Variants in CNTN5 observed in about 807,000 individuals in gnomAD.
CNTN5 encodes the protein contactin 5, also known as contactin-5.
In CNTN5, 77 loss-of-function variants were observed where a neutral mutation model predicts 129.1. That is an observed-to-expected ratio of 0.60 (90% CI 0.50 to 0.72). The LOEUF (loss-of-function observed/expected upper bound fraction) is 0.72. Ranked by LOEUF, CNTN5 falls within the 30% of genes least tolerant of loss-of-function variation. The probability of loss-of-function intolerance (pLI) is 0.00; values close to 1 mark genes in which losing one functional copy is unlikely to be tolerated. For missense variants in CNTN5, 1,478 were observed against 1,328.8 expected, an observed-to-expected ratio of 1.11 and a Z score of -1.75; for synonymous variants, 509 against 465.6, an observed-to-expected ratio of 1.09 and a Z score of -1.20.
rs548739446 is a variant in CNTN5 at position 100,336,815 on chromosome 11, C to A, written c.2731-3648C>A. 1.8e-4 allele frequency: 75 copies of A among 407,902 alleles called. 3 individuals are homozygous for A. The highest frequency in any genetic ancestry group is 1.8e-3 in the South Asian group (74 of 40,794). The allele number at this position is 407,902 out of a possible 1,614,324, so 25.3% of individuals were successfully genotyped here. A position where few individuals can be genotyped will look rare whatever the true frequency, so the allele number is the denominator to read the frequency against. On this transcript the variant is annotated intron_variant, in intron 21 of 24. Coordinates refer to ENST00000524871, the MANE Select transcript of CNTN5 (RefSeq NM_014361.4). The stretch of plus-strand genomic sequence containing the variant: ...TGAGGTGTTCTGCGACTTCCCCAGA[C>A]CCTAACCTTCCCGGCCTCTTCCCCA...
chr11:99,294,838 A>G (rs1030034549), intron 1 of CNTN5, among the ~76,000 whole-genome samples: 1 of 152,194 alleles, frequency 6.6e-6, no homozygotes, highest in Non-Finnish European at 1.5e-5. Context: ...GATTGGCAGA[A>G]TTCTGAAGTT....
intron 1 of CNTN5, among the ~76,000 whole-genome samples, chr11:99,265,253 A>G (rs1862833891): frequency 1.3e-5 from 2 of 152,072 alleles, no homozygotes; most frequent in Non-Finnish European, 2.9e-5. Context: ...AAAACAGGAA[A>G]TAGTCACACA....
intron 1 of CNTN5, among the ~76,000 whole-genome samples, chr11:99,067,634 T>A (rs1430270463): frequency 6.6e-6 from 1 of 152,132 alleles, no homozygotes; most frequent in East Asian, 1.9e-4. Flanking sequence ...ATTAAAAAGC[T>A]TTAGAATTCA....
At chr11:100,355,342 A>T (rs1952497634) in intron 24 of CNTN5, among the ~76,000 whole-genome samples, 1 of 151,704 alleles carries the variant, frequency 6.6e-6, no homozygotes, top group Non-Finnish European at 1.5e-5. Context: ...CTACAGGGGC[A>T]ATCATACACA....
At chr11:99,338,944 A>C (rs969967142) in intron 2 of CNTN5, among the ~76,000 whole-genome samples, 1 of 126,310 alleles carries the variant, frequency 7.9e-6, no homozygotes, top group African/African-American at 2.8e-5. Flanking sequence ...ATATATATAT[A>C]TATCTGTGAT....
chr11:99,256,409 A>G (rs1277293680), intron 1 of CNTN5, among the ~76,000 whole-genome samples: 3 of 152,098 alleles, frequency 2.0e-5, no homozygotes, highest in Admixed American at 6.6e-5. Flanking sequence ...CTATAAAACT[A>G]TTAAGAGTGA....
intron 13 of CNTN5, among the ~76,000 whole-genome samples, chr11:100,100,289 A>T (rs181118824): frequency 6.6e-6 from 1 of 152,112 alleles, no homozygotes; most frequent in South Asian, 2.1e-4. Context: ...CAGAATATCC[A>T]GAAAAATACC....
intron 1 of CNTN5, among the ~76,000 whole-genome samples, chr11:99,119,120 C>T (rs1404995285): frequency 6.6e-6 from 1 of 152,022 alleles, no homozygotes; most frequent in East Asian, 1.9e-4. Context: ...AATATCTTCT[C>T]CATTATCAAT....
intron 2 of CNTN5, among the ~76,000 whole-genome samples, chr11:99,399,800 G>A (rs1326934929): frequency 6.6e-6 from 1 of 151,390 alleles, no homozygotes; most frequent in Non-Finnish European, 1.5e-5. Flanking sequence ...GTTATTGTAA[G>A]CTTTGTTTTG....
intron 9 of CNTN5, among the ~76,000 whole-genome samples, chr11:100,041,756 T>G (rs1217649311): frequency 1.3e-5 from 2 of 152,200 alleles, no homozygotes; most frequent in Non-Finnish European, 2.9e-5. Flanking sequence ...AAAACAATGG[T>G]AAAAACATAA....
chr11:99,485,393 G>A (rs1945772120), intron 2 of CNTN5, among the ~76,000 whole-genome samples: 1 of 151,980 alleles, frequency 6.6e-6, no homozygotes, highest in Admixed American at 6.5e-5. Context: ...GCCACAGAAT[G>A]TACAATACTA....
rs150412691 is a variant in CNTN5 at position 99,860,493 on chromosome 11, T to A, written c.577+15231T>A. ...GAGTTGTTGTTTGTATATGGTGAAA[T>A]GTAGAGGTCCAATTTCATTCTTCTG... On this transcript the variant is annotated intron_variant, in intron 6 of 24. Coordinates refer to ENST00000524871, the MANE Select transcript of CNTN5 (RefSeq NM_014361.4). 6.5e-3 allele frequency among the ~76,000 whole-genome samples: 984 copies of A among 152,244 alleles called. 10 individuals are homozygous for A. The highest frequency in any genetic ancestry group is 0.023 in the African/African-American group (936 of 41,562).
intron 3 of CNTN5, among the ~76,000 whole-genome samples, chr11:99,786,319 A>C (rs1945522032): frequency 6.6e-6 from 1 of 152,130 alleles, no homozygotes; most frequent in South Asian, 2.1e-4. Flanking sequence ...GACCTCTTCA[A>C]GGAGAACTAC....
intron 13 of CNTN5, among the ~76,000 whole-genome samples, chr11:100,120,847 T>G (rs75805369): frequency 0.082 from 12,441 of 152,024 alleles, 637 homozygotes; most frequent in Non-Finnish European, 0.12. Flanking sequence ...AAAATAAATT[T>G]ATTTTAAACT....
intron 3 of CNTN5, among the ~76,000 whole-genome samples, chr11:99,781,571 C>T (rs1301203129): frequency 6.6e-6 from 1 of 152,018 alleles, no homozygotes; most frequent in Admixed American, 6.6e-5. Flanking sequence ...CATGCTTACC[C>T]TCTCCTGACC....
At chr11:99,167,604 G>A (rs1056445731) in intron 1 of CNTN5, among the ~76,000 whole-genome samples, 1 of 152,024 alleles carries the variant, frequency 6.6e-6, no homozygotes, top group Non-Finnish European at 1.5e-5. Flanking sequence ...ACCAAAATTA[G>A]AATTTCTGTT....
At chr11:99,316,308 T>A (rs754609045) in intron 1 of CNTN5, among the ~76,000 whole-genome samples, 14 of 152,164 alleles carry the variant, frequency 9.2e-5, no homozygotes, top group Non-Finnish European at 1.3e-4. Flanking sequence ...GAAAAAGACA[T>A]ATTCTTCCTA....
chr11:100,279,994 T>G (rs1022380935), intron 18 of CNTN5, among the ~76,000 whole-genome samples: 9 of 150,996 alleles, frequency 6.0e-5, no homozygotes, highest in African/African-American at 2.2e-4. Context: ...CCATAGGTCT[T>G]GGTATGCTGT....
intron 7 of CNTN5, among the ~76,000 whole-genome samples, chr11:99,925,207 G>A (rs1950033502): frequency 6.6e-6 from 1 of 152,252 alleles, no homozygotes; most frequent in Middle Eastern, 3.4e-3. Context: ...TATGTACATT[G>A]GATCTCAGAG....
Sources: gnomAD v4.1 joint callset for allele counts (sites outside exome capture counted in the v4.1 genomes callset) on GRCh38, gnomAD v4.1.1 for gene constraint, MANE v1.5 for transcripts, NCBI Gene and HGNC (gene_info 2026-07-23, HGNC 2026-07-21) for gene names.